The following ZDHHC17 variants were observed in gnomAD, a reference collection of about 807,000 sequenced individuals.
The protein encoded by ZDHHC17 is palmitoyltransferase ZDHHC17.
ZDHHC17 carries 40 observed loss-of-function variants against 90.3 expected under a neutral mutation model. The ratio of observed to expected loss-of-function variants is 0.44; its 90% CI spans 0.34 to 0.58. The LOEUF is 0.58. ZDHHC17 is among the 20% of genes least tolerant of loss of function. ZDHHC17 has a pLI of 0.01. For synonymous variants in ZDHHC17, 235 were observed against 252.4 expected (o/e 0.93, Z 0.65); for missense variants, 614 against 780.8 (o/e 0.79, Z 2.55).
intron 7 of ZDHHC17, among the ~76,000 whole-genome samples, chr12:76,817,393 C>T (rs974021403): frequency 2.0e-5 from 3 of 151,612 alleles, no homozygotes; most frequent in African/African-American, 7.3e-5. Context: ...TGATCATGCA[C>T]GAGGAATACA....
chr12:76,832,283 A>T (rs1592493489), intron 10 of ZDHHC17, among the ~76,000 whole-genome samples: 1 of 152,228 alleles, frequency 6.6e-6, no homozygotes, highest in East Asian at 1.9e-4. Flanking sequence ...GTTGTCCAGG[A>T]TCACTTCTGA....
chr12:76,804,807 A>G lies in ZDHHC17; in HGVS notation c.198-510A>G, dbSNP rs12319026. Among the ~76,000 whole-genome samples the G allele has an allele frequency of 3.4e-3, 522 of 152,218 alleles. 3 individuals are homozygous for G. Among genetic ancestry groups the G allele is most frequent in the African/African-American group, 0.012 (481 of 41,538 alleles). On this transcript the variant is annotated intron_variant, in intron 2 of 16. Coordinates refer to ENST00000426126, the MANE Select transcript of ZDHHC17 (RefSeq NM_015336.4). ...TGTGTCTGCCTACCAGACACCTGAT[A>G]TTACAAGACTGCTATTGAAAGTCTC... is the stretch of plus-strand genomic sequence containing the variant.
At chr12:76,847,804 G>T (rs1193237542) in intron 14 of ZDHHC17, among the ~76,000 whole-genome samples, 1 of 152,162 alleles carries the variant, frequency 6.6e-6, no homozygotes, top group East Asian at 1.9e-4. Flanking sequence ...GTTGCAGTGA[G>T]CCTTGATTGA....
chr12:76,798,290 G>A (rs1952847292), intron 2 of ZDHHC17, among the ~76,000 whole-genome samples: 3 of 152,094 alleles, frequency 2.0e-5, no homozygotes, highest in Admixed American at 6.5e-5. Flanking sequence ...ATCAGTCTTC[G>A]AGATAGGCAA....
At chr12:76,844,569 G>C (rs1953471920) in intron 12 of ZDHHC17, 1 of 152,114 alleles carries the variant, frequency 6.6e-6, no homozygotes, top group African/African-American at 2.4e-5. Context: ...TCAGATTTTT[G>C]ACAGTGTTGC....
intron 12 of ZDHHC17, 108 bp from the exon 13 acceptor site, chr12:76,845,600 TA>T (rs375219435): frequency 0.017 from 7,436 of 440,910 alleles, 82 homozygotes; most frequent in Non-Finnish European, 0.022. Flanking sequence ...TAATCTTGTT[TA>T]AAAAATATAG....
At chr12:76,831,439 C>T (rs922470281) in intron 10 of ZDHHC17, among the ~76,000 whole-genome samples, 1 of 152,168 alleles carries the variant, frequency 6.6e-6, no homozygotes, top group Admixed American at 6.5e-5. Flanking sequence ...CAACCTCTGC[C>T]TTCCAGGTTC....
At chr12:76,833,642 A>T (rs1423595292) in intron 10 of ZDHHC17, among the ~76,000 whole-genome samples, 2 of 152,086 alleles carry the variant, frequency 1.3e-5, no homozygotes, top group African/African-American at 4.8e-5. Context: ...AATACAAAAA[A>T]TTAGCCGGGC....
At chr12:76,813,865 C>T (rs552848530) in intron 5 of ZDHHC17, among the ~76,000 whole-genome samples, 1 of 152,078 alleles carries the variant, frequency 6.6e-6, no homozygotes, top group Admixed American at 6.5e-5. Flanking sequence ...GAAGCTAAGA[C>T]TAAGAATTAA....
chr12:76,824,852 AAAAG>A (rs1486522552), intron 8 of ZDHHC17, among the ~76,000 whole-genome samples: 4 of 151,534 alleles, frequency 2.6e-5, no homozygotes, highest in African/African-American at 7.3e-5. Context: ...CCAAAAAAAA[AAAAG>A]AAAGGGGGAC....
At chr12:76,799,655 G>A (rs11115471) in intron 2 of ZDHHC17, among the ~76,000 whole-genome samples, 1,679 of 152,268 alleles carry the variant, frequency 0.011, 11 homozygotes, top group Non-Finnish European at 0.017. Context: ...AAAATGATCT[G>A]AACAATTTGA....
chr12:76,772,200 G>A lies in ZDHHC17; in HGVS notation c.93+7871G>A, dbSNP rs562000662. ...TTGCCTGTTTTTATAGCACAATACA[G>A]TATGATAGAGATGATAGAGTTGGAT... On this transcript the variant is annotated intron_variant, in intron 1 of 16. Transcript: ENST00000426126. Among the ~76,000 whole-genome samples, 35 of 152,328 alleles carry A rather than the reference G, an allele frequency of 2.3e-4. No individual in the cohort carries two copies. The South Asian group carries it at 2.7e-3, about 12-fold the overall frequency.
chr12:76,770,741 C>A (rs1253436161), intron 1 of ZDHHC17, among the ~76,000 whole-genome samples: 1 of 151,922 alleles, frequency 6.6e-6, no homozygotes, highest in South Asian at 2.1e-4. Flanking sequence ...AGTTCGAGAC[C>A]AGCCTGACCA....
At chr12:76,834,852 G>C (rs1281705473) in intron 10 of ZDHHC17, among the ~76,000 whole-genome samples, 1 of 151,938 alleles carries the variant, frequency 6.6e-6, no homozygotes, top group African/African-American at 2.4e-5. Context: ...ATGTTTCCTA[G>C]GTACACTGGT....
Position 76,764,174 on chromosome 12 carries a change from C to A in ZDHHC17, c.-63C>A. ...CGCGTCGCCTCCGGCGGGGCTCGCG[C>A]TCGCCCCGCGCTCGCCCTCCGCCTC... is the stretch of plus-strand genomic sequence containing the variant. On this transcript the variant is annotated 5_prime_UTR_variant, in exon 1 of 17. Coordinates refer to ENST00000426126, the MANE Select transcript of ZDHHC17 (RefSeq NM_015336.4). The A allele has an allele frequency of 3.7e-6, 5 of 1,343,260 alleles. No homozygotes were observed. Among genetic ancestry groups the A allele is most frequent in the African/African-American group, 1.5e-5 (1 of 66,344 alleles). The allele number at this position is 1,343,260 out of a possible 1,614,324, so 83.2% of individuals were successfully genotyped here.
intron 1 of ZDHHC17, among the ~76,000 whole-genome samples, chr12:76,776,768 T>A (rs1374995936): frequency 2.0e-5 from 3 of 152,210 alleles, no homozygotes; most frequent in Non-Finnish European, 4.4e-5. Context: ...TAGCACAGAA[T>A]TATAGAACAG....
chr12:76,835,554 CTGTT>C (rs1953353446), intron 10 of ZDHHC17, among the ~76,000 whole-genome samples: 1 of 151,222 alleles, frequency 6.6e-6, no homozygotes, highest in African/African-American at 2.4e-5. Context: ...ATTAAAATTT[CTGTT>C]TGTGTCTGGG....
chr12:76,766,653 C>T (rs941659888), intron 1 of ZDHHC17, among the ~76,000 whole-genome samples: 3 of 152,048 alleles, frequency 2.0e-5, no homozygotes, highest in African/African-American at 7.2e-5. Flanking sequence ...GATTCTAATT[C>T]TGGAAATTCG....
chr12:76,789,707 G>GA (rs766139991), intron 1 of ZDHHC17, among the ~76,000 whole-genome samples: 1,889 of 146,874 alleles, frequency 0.013, 13 homozygotes, highest in Non-Finnish European at 0.019. Flanking sequence ...AAAGAAATCC[G>GA]AAAAAAAAAA....
Sources: gnomAD v4.1 joint callset for allele counts (sites outside exome capture counted in the v4.1 genomes callset) on GRCh38, gnomAD v4.1.1 for gene constraint, MANE v1.5 for transcripts, NCBI Gene and HGNC (gene_info 2026-07-23, HGNC 2026-07-21) for gene names.